SOX6: variants seen among roughly 807,000 people sequenced by gnomAD.
The protein encoded by SOX6 is transcription factor SOX-6.
In SOX6, 11 loss-of-function variants were observed where a neutral mutation model predicts 97.8. The observed-to-expected ratio is 0.11, with a 90% CI of 0.07 to 0.19. The LOEUF (loss-of-function observed/expected upper bound fraction) is 0.19. SOX6 is among the 10% of genes least tolerant of loss of function. The pLI, the probability that SOX6 is intolerant of heterozygous loss-of-function variation, is 1.00. For synonymous variants in SOX6, 360 were observed against 371.4 expected (o/e 0.97, Z 0.35); for missense variants, 810 against 1,039.5 (o/e 0.78, Z 3.04).
intron 1 of SOX6, among the ~76,000 whole-genome samples, chr11:16,368,843 A>T (rs1857428442): frequency 1.3e-5 from 2 of 152,208 alleles, no homozygotes; most frequent in South Asian, 2.1e-4. Context: ...ATAACGGGTG[A>T]GTATGTAGCA....
chr11:16,586,232 C>A (rs1848091932), intron 4 of SOX6, among the ~76,000 whole-genome samples: 1 of 151,868 alleles, frequency 6.6e-6, no homozygotes, highest in Admixed American at 6.6e-5. Context: ...AGATAACTGG[C>A]CTCAGTGGCC....
At chr11:16,270,654 A>AACACACACAC (rs57034455) in intron 3 of SOX6, among the ~76,000 whole-genome samples, 12,867 of 149,306 alleles carry the variant, frequency 0.086, 861 homozygotes, top group East Asian at 0.37. Flanking sequence ...CACACACACA[A>AACACACACAC]ACACACACAC....
intron 15 of SOX6, among the ~76,000 whole-genome samples, chr11:15,984,821 A>G (rs1462317160): frequency 2.0e-5 from 3 of 152,318 alleles, no homozygotes; most frequent in African/African-American, 7.2e-5. Flanking sequence ...GTTTTCTGTG[A>G]TAGGAAATAC....
intron 3 of SOX6, among the ~76,000 whole-genome samples, chr11:16,700,356 C>T (rs1214738662): frequency 6.6e-6 from 1 of 152,176 alleles, no homozygotes; most frequent in Non-Finnish European, 1.5e-5. Flanking sequence ...GGAAAAGGAG[C>T]TGAAGAGTTC....
At chr11:16,490,552 C>G (rs1216041423) in intron 4 of SOX6, among the ~76,000 whole-genome samples, 1 of 151,584 alleles carries the variant, frequency 6.6e-6, no homozygotes, top group African/African-American at 2.4e-5. Flanking sequence ...CAAAAGAAAA[C>G]TATAATATCA....
At chr11:16,320,284 G>A (rs1855878085) in intron 2 of SOX6, among the ~76,000 whole-genome samples, 1 of 152,028 alleles carries the variant, frequency 6.6e-6, no homozygotes, top group South Asian at 2.1e-4. Flanking sequence ...TCACAAGGAA[G>A]CCCAGTAAGA....
intron 3 of SOX6, among the ~76,000 whole-genome samples, chr11:16,268,618 G>A (rs1854152580): frequency 6.6e-6 from 1 of 151,134 alleles, no homozygotes; most frequent in Non-Finnish European, 1.5e-5. Flanking sequence ...ACAATTGTAA[G>A]TCAGATAATT....
At chr11:16,702,098 T>G (rs976685244) in intron 3 of SOX6, among the ~76,000 whole-genome samples, 1 of 152,144 alleles carries the variant, frequency 6.6e-6, no homozygotes, top group African/African-American at 2.4e-5. Flanking sequence ...CACAAAGAAG[T>G]ACAATTTTGG....
intron 2 of SOX6, among the ~76,000 whole-genome samples, chr11:16,723,788 T>C (rs1173412855): frequency 6.6e-6 from 1 of 151,886 alleles, no homozygotes; most frequent in Non-Finnish European, 1.5e-5. Context: ...ACTCAAAAAA[T>C]AAAAAAGAAA....
Position 16,281,083 on chromosome 11 carries a change from G to A in SOX6, c.445+37363C>T, listed in dbSNP as rs1486956526. 3.3e-5 allele frequency among the ~76,000 whole-genome samples: 5 copies of A among 152,184 alleles called. No individual in the cohort carries two copies. The East Asian group carries it at 9.7e-4, about 29-fold the overall frequency. The stretch of plus-strand genomic sequence containing the variant: ...AGGATAAACTTCCTTGCAGCTACAC[G>A]AGAGTTAGAGTTTTTCTATTCACTC... On this transcript the variant is annotated intron_variant, in intron 3 of 15. Coordinates refer to ENST00000683767, the MANE Select transcript of SOX6 (RefSeq NM_001367873.1).
chr11:16,417,715 A>G (rs1565138391), intron 1 of SOX6, among the ~76,000 whole-genome samples: 7 of 152,230 alleles, frequency 4.6e-5, no homozygotes, highest in Admixed American at 3.9e-4. Context: ...AACTATTTTT[A>G]TAAAACAAAT....
At chr11:16,678,908 C>T (rs1226883994) in intron 3 of SOX6, among the ~76,000 whole-genome samples, 4 of 152,276 alleles carry the variant, frequency 2.6e-5, no homozygotes, top group Non-Finnish European at 5.9e-5. Flanking sequence ...GAGGGGCATC[C>T]GCCATTGCTG....
At chr11:16,534,235 A>C (rs1400016340) in intron 4 of SOX6, among the ~76,000 whole-genome samples, 1 of 152,154 alleles carries the variant, frequency 6.6e-6, no homozygotes, top group Non-Finnish European at 1.5e-5. Flanking sequence ...AAACCTAGAA[A>C]ATTCTCAAAT....
At chr11:16,044,101 G>C (rs1268321575) in intron 12 of SOX6, among the ~76,000 whole-genome samples, 1 of 152,068 alleles carries the variant, frequency 6.6e-6, no homozygotes, top group Non-Finnish European at 1.5e-5. Flanking sequence ...TCACTATGCT[G>C]TACAGGCTTT....
Position 16,306,626 on chromosome 11 carries a change from TC to T in SOX6, c.445+11819del, listed in dbSNP as rs1243649573. 1.6e-3 allele frequency among the ~76,000 whole-genome samples: 207 copies of T among 131,618 alleles called. 2 individuals carry two copies. The highest frequency in any genetic ancestry group is 8.3e-3 in the Middle Eastern group (2 of 240). The allele number at this position is 131,618 out of a possible 152,430, so 86.3% of individuals were successfully genotyped here. On this transcript the variant is annotated intron_variant, in intron 3 of 15. Coordinates refer to ENST00000683767, the MANE Select transcript of SOX6 (RefSeq NM_001367873.1). ...CCTCAAATTTCTTTTTTTTTTTTTT[TC>T]TTTTTTTTTTTTTCCTGAGACAGAT... is the stretch of plus-strand genomic sequence containing the variant.
At chr11:16,508,508 A>T (rs1017600566) in intron 4 of SOX6, among the ~76,000 whole-genome samples, 1 of 152,116 alleles carries the variant, frequency 6.6e-6, no homozygotes, top group Non-Finnish European at 1.5e-5. Context: ...GCCATAAAAA[A>T]AATAAATCAT....
chr11:16,089,693 C>T (rs1346670417), intron 9 of SOX6, among the ~76,000 whole-genome samples: 1 of 152,028 alleles, frequency 6.6e-6, no homozygotes, highest in Non-Finnish European at 1.5e-5. Context: ...TAGCTATGTG[C>T]CAGCTCTAGT....
At chr11:16,684,054 T>A (rs553554005) in intron 3 of SOX6, among the ~76,000 whole-genome samples, 124 of 152,270 alleles carry the variant, frequency 8.1e-4, no homozygotes, top group African/African-American at 2.9e-3. Context: ...CTCACACCAG[T>A]TAGAATGGTG....
chr11:16,365,558 A>G (rs1319396993), intron 1 of SOX6, among the ~76,000 whole-genome samples: 3 of 152,120 alleles, frequency 2.0e-5, no homozygotes, highest in Non-Finnish European at 4.4e-5. Context: ...GCCAGAGTTT[A>G]GGAGCCAGTT....
Sources: allele counts gnomAD v4.1 joint callset (sites outside exome capture counted in the v4.1 genomes callset), GRCh38; gene constraint gnomAD v4.1.1; transcripts MANE v1.5; gene names NCBI Gene and HGNC (gene_info 2026-07-23, HGNC 2026-07-21).